ARSG: variants seen among roughly 807,000 people sequenced by gnomAD.
ARSG encodes the protein arylsulfatase G.
A neutral mutation model predicts 50.5 loss-of-function variants in ARSG; 37 were observed. The ratio of observed to expected loss-of-function variants is 0.73; its 90% CI spans 0.56 to 0.96. The LOEUF (loss-of-function observed/expected upper bound fraction) is 0.96. Among genes scored for constraint, ARSG ranks in the 50% least tolerant of loss-of-function variants. The pLI, the probability that ARSG is intolerant of heterozygous loss-of-function variation, is 0.00. For missense variants in ARSG, 629 were observed against 675.3 expected, an observed-to-expected ratio of 0.93 and a Z score of 0.76; for synonymous variants, 225 against 254.6, an observed-to-expected ratio of 0.88 and a Z score of 1.11.
chr17:68,446,002 C>A, the ARSG span, among the ~76,000 whole-genome samples: 2 of 152,120 alleles, frequency 1.3e-5, no homozygotes, highest in Non-Finnish European at 2.9e-5. Flanking sequence ...TCAGCCAGCT[C>A]CTTTTATTCC....
the ARSG span, among the ~76,000 whole-genome samples, chr17:68,451,319 A>T: frequency 6.6e-6 from 1 of 152,210 alleles, no homozygotes; most frequent in Non-Finnish European, 1.5e-5. Flanking sequence ...CTGTAATCTC[A>T]GCTACTCGGG....
chr17:68,272,864 G>A, intron 1 of ARSG: 1 of 1,479,622 alleles, frequency 6.8e-7, no homozygotes, highest in Non-Finnish European at 9.2e-7. Flanking sequence ...TTTGCTTTTT[G>A]AATCTTAAGT....
intron 5 of ARSG, among the ~76,000 whole-genome samples, chr17:68,352,952 C>T (rs145944064): frequency 1.8e-4 from 27 of 152,196 alleles, no homozygotes; most frequent in African/African-American, 6.0e-4. Flanking sequence ...TTCCCTTGTT[C>T]GGACAGAGCA....
chr17:68,262,669 G>C (rs1302850983), intron 1 of ARSG, among the ~76,000 whole-genome samples: 1 of 152,202 alleles, frequency 6.6e-6, no homozygotes, highest in Non-Finnish European at 1.5e-5. Context: ...AGGCAGGCCA[G>C]CTAGAAGACT....
At chr17:68,426,052 A>C (rs2083149230), downstream of ARSG, 1 of 1,605,228 alleles carries the variant, frequency 6.2e-7, no homozygotes, top group African/African-American at 1.3e-5. Context: ...TGAGCCGCCC[A>C]GTTACGGGTT....
chr17:68,319,919 C>A (rs781962312), intron 2 of ARSG, among the ~76,000 whole-genome samples: 4 of 152,170 alleles, frequency 2.6e-5, no homozygotes, highest in Non-Finnish European at 5.9e-5. Flanking sequence ...TGGTCTCAGT[C>A]AAGAAAGAGA....
At chr17:68,430,710 C>A in the ARSG span, among the ~76,000 whole-genome samples, 3 of 152,184 alleles carry the variant, frequency 2.0e-5, no homozygotes, top group African/African-American at 7.2e-5. Flanking sequence ...TGGGATGTCG[C>A]CTACAGTCAT....
intron 1 of ARSG, chr17:68,278,021 A>G: frequency 9.5e-7 from 1 of 1,050,486 alleles, no homozygotes; most frequent in Non-Finnish European, 1.4e-6. Context: ...ATCGACTACC[A>G]TTACCAAGGT....
intron 5 of ARSG, among the ~76,000 whole-genome samples, chr17:68,352,181 G>C (rs1393972396): frequency 6.7e-6 from 1 of 150,228 alleles, no homozygotes; most frequent in Admixed American, 6.8e-5. Flanking sequence ...GAGAGAGAGA[G>C]AGACAGAGAC....
chr17:68,441,944 AAGG>A, the ARSG span, among the ~76,000 whole-genome samples: 2 of 152,166 alleles, frequency 1.3e-5, no homozygotes, highest in African/African-American at 4.8e-5. Context: ...ATCCTTTCAT[AAGG>A]AGGCATTCTT....
rs150937715 is a variant in ARSG, at chr17:68,378,729, T to C, written c.983-6335T>C. Among the ~76,000 whole-genome samples, 1,306 of 152,336 alleles carry C rather than the reference T, an allele frequency of 8.6e-3. 9 individuals carry two copies. Among genetic ancestry groups the C allele is most frequent in the Non-Finnish European group, 0.011 (758 of 68,032 alleles). ...TCCCCTAACTGACTGCTCCTCTGTC[T>C]GGAAAATCTTTTCTCGTTTTATTTG... On this transcript the variant is annotated intron_variant, in intron 8 of 11. Coordinates refer to ENST00000621439, the MANE Select transcript of ARSG (RefSeq NM_001267727.2). This position sits in a 1 kb window ranked among gnomAD's most constrained non-coding sequence, Gnocchi z 4.4.
chr17:68,437,491 C>G, the ARSG span, among the ~76,000 whole-genome samples: 1 of 150,906 alleles, frequency 6.6e-6, no homozygotes, highest in East Asian at 2.0e-4. Context: ...GAGGTGGAGG[C>G]TGCAGTGAGT....
the ARSG span, among the ~76,000 whole-genome samples, chr17:68,437,005 A>AAAAATATATAT: frequency 3.7e-5 from 4 of 107,264 alleles, no homozygotes; most frequent in South Asian, 5.6e-4. Flanking sequence ...AAAAAAAAAA[A>AAAAATATATAT]ATATATATAT....
intron 5 of ARSG, 25 bp from the exon 6 acceptor site, chr17:68,356,642 T>A (rs778201536): frequency 6.2e-7 from 1 of 1,614,052 alleles, no homozygotes; most frequent in Non-Finnish European, 8.5e-7. Flanking sequence ...AAATGAATAC[T>A]CTATGGTCTG....
chr17:68,283,653 TCTA>T (rs1389856321), intron 1 of ARSG, among the ~76,000 whole-genome samples: 1 of 151,610 alleles, frequency 6.6e-6, no homozygotes, highest in Non-Finnish European at 1.5e-5. Flanking sequence ...AAACGCTGTC[TCTA>T]CTAACAAACT....
chr17:68,368,906 C>A (rs1015002718), intron 7 of ARSG, among the ~76,000 whole-genome samples, 162 bp downstream of exon 7: 22 of 152,208 alleles, frequency 1.4e-4, no homozygotes, highest in Admixed American at 3.9e-4. Context: ...ATGCTGAGCA[C>A]CTGTCCATTG....
downstream of ARSG, chr17:68,425,944 A>G (rs2083139237): frequency 1.4e-6 from 1 of 715,000 alleles, no homozygotes; most frequent in East Asian, 2.7e-5. Flanking sequence ...ATGGCTTTCC[A>G]AATACTAGAG....
At chr17:68,450,738 A>G in the ARSG span, 1 of 1,610,334 alleles carries the variant, frequency 6.2e-7, no homozygotes, top group East Asian at 2.2e-5. Context: ...TTGCCGGTTC[A>G]GCCTTATGGA....
At chr17:68,426,251 G>GGGGGGGGGGGGGGGGGT, downstream of ARSG, 2 of 825,460 alleles carry the variant, frequency 2.4e-6, no homozygotes, top group South Asian at 1.3e-5. Context: ...GTGGGGAGCG[G>GGGGGGGGGGGGGGGGGT]GGGCTCAAAT....
Sources: gnomAD v4.1 joint callset for allele counts (sites outside exome capture counted in the v4.1 genomes callset) on GRCh38, gnomAD v4.1.1 for gene constraint, Gnocchi (gnomAD v3.1) non-coding constraint, MANE v1.5 for transcripts, NCBI Gene and HGNC (gene_info 2026-07-23, HGNC 2026-07-21) for gene names.